Variants in KLHL29 observed in about 807,000 individuals in gnomAD.
KLHL29 encodes the protein kelch like family member 29.
A neutral mutation model predicts 80.4 loss-of-function variants in KLHL29; 21 were observed. The ratio of observed to expected loss-of-function variants is 0.26; its 90% confidence interval spans 0.19 to 0.38. The LOEUF is 0.38. KLHL29 is among the 10% of genes least tolerant of loss of function. The pLI is 1.00. For synonymous variants in KLHL29, 511 were observed against 526.8 expected (o/e 0.97, Z 0.41); for missense variants, 867 against 1,223.9 (o/e 0.71, Z 4.35).
intron 1 of KLHL29, among the ~76,000 whole-genome samples, chr2:23,446,993 G>T (rs1232239002): frequency 6.6e-6 from 1 of 152,160 alleles, no homozygotes; most frequent in East Asian, 1.9e-4. Context: ...TTTTCTTCCA[G>T]GTCAAGCAGC....
At chr2:23,452,483 C>T (rs1440605100) in intron 1 of KLHL29, among the ~76,000 whole-genome samples, 2 of 152,130 alleles carry the variant, frequency 1.3e-5, no homozygotes, top group Non-Finnish European at 2.9e-5. Context: ...AGGGGTCACA[C>T]ATCCAAACCG....
At chr2:23,639,536 T>G (rs1669708868) in intron 4 of KLHL29, among the ~76,000 whole-genome samples, 1 of 152,230 alleles carries the variant, frequency 6.6e-6, no homozygotes, top group Non-Finnish European at 1.5e-5. Context: ...GACTTTCAAT[T>G]GAGTCTAGAT....
At chr2:23,615,634 T>C (rs1426997424) in intron 3 of KLHL29, among the ~76,000 whole-genome samples, 2 of 152,068 alleles carry the variant, frequency 1.3e-5, no homozygotes, top group Admixed American at 6.5e-5. Flanking sequence ...AGTTGCACTT[T>C]CCATGGGCTG....
rs59352915 is a variant in KLHL29 at position 23,684,341 on chromosome 2, TAA to T, written c.941-46_941-45del. On this transcript the variant is annotated intron_variant, in intron 5 of 13. Coordinates refer to ENST00000486442, the MANE Select transcript of KLHL29 (RefSeq NM_052920.2). This position sits in a 1 kb window ranked among gnomAD's most constrained non-coding sequence, Gnocchi z 4.4. Reference sequence around the variant, plus strand: ...AAAAAGAAAAAAAACTTTTTTTAATTAAAAAAAAAAAAACTCTTAATGGGAAC... The same window carrying T: ...AAAAAGAAAAAAAACTTTTTTTAATTAAAAAAAAAAACTCTTAATGGGAAC... The T allele has an allele frequency of 2.8e-4, 280 of 989,790 alleles. No homozygotes were observed. The highest frequency in any genetic ancestry group is 5.5e-4 in the South Asian group (17 of 30,728). 61.3% of individuals were successfully genotyped at this position (989,790 alleles called of 1,614,324 possible). A position where few individuals can be genotyped will look rare whatever the true frequency, so the allele number is the denominator to read the frequency against.
At chr2:23,654,600 C>A (rs1408352316) in intron 5 of KLHL29, among the ~76,000 whole-genome samples, 4 of 147,026 alleles carry the variant, frequency 2.7e-5, no homozygotes, top group Non-Finnish European at 4.5e-5. Flanking sequence ...GCTGGCCCTG[C>A]TGTTGGTCTT....
chr2:23,466,262 C>T (rs1475287663), intron 1 of KLHL29, among the ~76,000 whole-genome samples: 1 of 152,140 alleles, frequency 6.6e-6, no homozygotes, highest in Non-Finnish European at 1.5e-5. Flanking sequence ...GAGAGAACCA[C>T]ATCAACTTCT....
intron 3 of KLHL29, among the ~76,000 whole-genome samples, chr2:23,593,227 T>C (rs375150481): frequency 1.3e-5 from 2 of 152,228 alleles, no homozygotes; most frequent in East Asian, 3.8e-4. Flanking sequence ...CCAGGACTTC[T>C]AATGTGATCC....
At chr2:23,442,287 C>G (rs1228603519) in intron 1 of KLHL29, among the ~76,000 whole-genome samples, 1 of 152,056 alleles carries the variant, frequency 6.6e-6, no homozygotes, top group Non-Finnish European at 1.5e-5. Context: ...GATATGGGGT[C>G]TCCCTGTGTT....
intron 3 of KLHL29, among the ~76,000 whole-genome samples, chr2:23,592,094 C>T (rs1395111324): frequency 6.6e-6 from 1 of 152,240 alleles, no homozygotes; most frequent in South Asian, 2.1e-4. Flanking sequence ...CTACTGGAAG[C>T]GGGCTGCACC....
chr2:23,502,886 G>C (rs149325346), intron 2 of KLHL29, among the ~76,000 whole-genome samples: 3 of 152,288 alleles, frequency 2.0e-5, no homozygotes, highest in African/African-American at 7.2e-5. Context: ...TCCCTTTTCA[G>C]CCCTCTCTAG....
At chr2:23,473,391 A>G (rs758474032) in intron 1 of KLHL29, among the ~76,000 whole-genome samples, 4 of 152,166 alleles carry the variant, frequency 2.6e-5, no homozygotes, top group Non-Finnish European at 5.9e-5. Flanking sequence ...CAAAACATCC[A>G]GTACAGTCTA....
In KLHL29 at chr2:23,466,310, A is replaced by G. The variant is rs1413126901; in HGVS notation, c.-153-9250A>G. Among the ~76,000 whole-genome samples, 4 of 152,350 alleles carry G rather than the reference A, an allele frequency of 2.6e-5. No individual in the cohort carries two copies. The South Asian group carries it at 8.3e-4, about 32-fold the overall frequency. On this transcript the variant is annotated intron_variant, in intron 1 of 13. Coordinates refer to ENST00000486442, the MANE Select transcript of KLHL29 (RefSeq NM_052920.2). ...TGGAGTGCAATGTGTGTAATGTGTA[A>G]TAAAATATAAATAAGCCTTTAAGAA...
intron 1 of KLHL29, among the ~76,000 whole-genome samples, chr2:23,464,064 G>T (rs1246651831): frequency 6.6e-6 from 1 of 152,176 alleles, no homozygotes. Flanking sequence ...GCCCTGAGAG[G>T]TTCAAAGCCT....
intron 2 of KLHL29, among the ~76,000 whole-genome samples, chr2:23,514,800 G>GCTC (rs1307685658): frequency 6.6e-6 from 1 of 152,170 alleles, no homozygotes. Flanking sequence ...AATAGACCAC[G>GCTC]CTCCATCTAT....
At chr2:23,576,632 C>G (rs756565268) in intron 3 of KLHL29, among the ~76,000 whole-genome samples, 1 of 152,176 alleles carries the variant, frequency 6.6e-6, no homozygotes, top group African/African-American at 2.4e-5. Flanking sequence ...TGATGGGGCC[C>G]CATTGATCTG....
intron 3 of KLHL29, among the ~76,000 whole-genome samples, chr2:23,597,785 A>C (rs377191762): frequency 4.0e-4 from 61 of 152,226 alleles, no homozygotes; most frequent in African/African-American, 1.4e-3. Context: ...ACATGCTCTC[A>C]GTCTAGGGAA....
intron 1 of KLHL29, among the ~76,000 whole-genome samples, chr2:23,414,164 C>T (rs112230677): frequency 2.0e-5 from 3 of 152,312 alleles, no homozygotes; most frequent in African/African-American, 4.8e-5. Flanking sequence ...TTGAAGGATC[C>T]TCCTGTGGAG....
At chr2:23,673,272 G>C (rs1177410184) in intron 5 of KLHL29, among the ~76,000 whole-genome samples, 1 of 120,366 alleles carries the variant, frequency 8.3e-6, no homozygotes, top group Non-Finnish European at 1.9e-5. Flanking sequence ...ATACACAAGA[G>C]GACACACTCC....
intron 3 of KLHL29, among the ~76,000 whole-genome samples, chr2:23,597,300 T>A (rs1401458870): frequency 2.0e-5 from 2 of 98,172 alleles, no homozygotes; most frequent in African/African-American, 6.8e-5. Context: ...CTCTCTCATA[T>A]ATATATATAT....
Sources: gnomAD v4.1 joint callset for allele counts (sites outside exome capture counted in the v4.1 genomes callset) on GRCh38, gnomAD v4.1.1 for gene constraint, Gnocchi (gnomAD v3.1) non-coding constraint, MANE v1.5 for transcripts, NCBI Gene and HGNC (gene_info 2026-07-23, HGNC 2026-07-21) for gene names.